RBFOX1: variants seen among roughly 807,000 people sequenced by gnomAD.
RBFOX1 encodes RNA binding protein fox-1 homolog 1.
Under a neutral mutation model 57.7 loss-of-function variants are expected in RBFOX1, and 8 were observed. The observed-to-expected ratio is 0.14, with a 90% CI of 0.08 to 0.25. The LOEUF is 0.25. Ranked by LOEUF, RBFOX1 falls within the 10% of genes least tolerant of loss-of-function variation. The probability of loss-of-function intolerance (pLI) is 1.00; values close to 1 mark genes in which losing one functional copy is unlikely to be tolerated. For missense variants in RBFOX1, 611 were observed against 548.5 expected, an observed-to-expected ratio of 1.11 and a Z score of -1.14; for synonymous variants, 326 against 222.4, an observed-to-expected ratio of 1.47 and a Z score of -4.15.
chr16:7,058,572 T>TTGTG (rs111658690), intron 4 of RBFOX1, among the ~76,000 whole-genome samples: 3,475 of 150,722 alleles, frequency 0.023, 124 homozygotes, highest in African/African-American at 0.08. Flanking sequence ...TTTCATAAGT[T>TTGTG]TGTGTGTGTG....
chr16:6,528,970 A>T (rs182440280), intron 2 of RBFOX1, among the ~76,000 whole-genome samples: 133 of 152,306 alleles, frequency 8.7e-4, no homozygotes, highest in Admixed American at 6.6e-3. Context: ...ATCAATTTCT[A>T]TTTCTCTACA....
At chr16:6,615,197 C>G (rs2098124808) in intron 2 of RBFOX1, among the ~76,000 whole-genome samples, 1 of 152,138 alleles carries the variant, frequency 6.6e-6, no homozygotes, top group African/African-American at 2.4e-5. Flanking sequence ...ATTTTTTACT[C>G]TATAAAGGAA....
At chr16:5,772,668 G>T (rs2054019873) in intron 3 of RBFOX1, among the ~76,000 whole-genome samples, 1 of 152,194 alleles carries the variant, frequency 6.6e-6, no homozygotes, top group Non-Finnish European at 1.5e-5. Flanking sequence ...AGCTAGAGGG[G>T]AGATAAGGAG....
chr16:6,849,200 C>T (rs1219309479), intron 3 of RBFOX1, among the ~76,000 whole-genome samples: 1 of 152,144 alleles, frequency 6.6e-6, no homozygotes, highest in African/African-American at 2.4e-5. Flanking sequence ...AAAAATTATC[C>T]ACCTATCAGA....
At chr16:6,839,911 T>C (rs2141396333) in intron 3 of RBFOX1, among the ~76,000 whole-genome samples, 1 of 152,354 alleles carries the variant, frequency 6.6e-6, no homozygotes, top group South Asian at 2.1e-4. Context: ...TAACTTTCAA[T>C]TGCATTATTA....
At chr16:6,702,097 A>G (rs1218247793) in intron 3 of RBFOX1, among the ~76,000 whole-genome samples, 1 of 152,154 alleles carries the variant, frequency 6.6e-6, no homozygotes. Flanking sequence ...AATCTAAAAT[A>G]AAAGTTTAAA....
In RBFOX1 at chr16:6,954,483, T is replaced by C. The variant is rs879401590; in HGVS notation, c.-15-97574T>C. Among the ~76,000 whole-genome samples the C allele has an allele frequency of 6.6e-4, 101 of 152,206 alleles. 2 individuals carry two copies. The highest frequency in any genetic ancestry group is 1.6e-4 in the Non-Finnish European group (11 of 68,034). ...GAACAAAACTCAGTTTAAAACGTAATTTTGTTGAAACATTTGTTTTAATAA... is the reference window on the plus strand; with the variant it reads ...GAACAAAACTCAGTTTAAAACGTAACTTTGTTGAAACATTTGTTTTAATAA... On this transcript the variant is annotated intron_variant, in intron 3 of 15. Transcript: ENST00000550418.
chr16:6,813,088 A>G (rs548327172), intron 3 of RBFOX1, among the ~76,000 whole-genome samples: 7 of 151,686 alleles, frequency 4.6e-5, no homozygotes, highest in South Asian at 4.2e-4. Flanking sequence ...AACCATGAAT[A>G]TATTTTCACT....
intron 2 of RBFOX1, among the ~76,000 whole-genome samples, chr16:6,555,526 C>T (rs1599709242): frequency 6.6e-6 from 1 of 151,998 alleles, no homozygotes; most frequent in African/African-American, 2.4e-5. Context: ...AGTGAAACCC[C>T]GTCTCTACTA....
At chr16:7,334,469 A>G (rs1401480556) in intron 4 of RBFOX1, among the ~76,000 whole-genome samples, 1 of 151,982 alleles carries the variant, frequency 6.6e-6, no homozygotes, top group Non-Finnish European at 1.5e-5. Flanking sequence ...GCTTTGTCAG[A>G]CCCTCTGCCG....
At chr16:7,490,067 T>A (rs1455013384) in intron 4 of RBFOX1, among the ~76,000 whole-genome samples, 1 of 152,184 alleles carries the variant, frequency 6.6e-6, no homozygotes, top group African/African-American at 2.4e-5. Context: ...CCCCTTTAAA[T>A]CTGTGTCCCA....
chr16:5,606,928 A>C (rs1567290212), intron 3 of RBFOX1, among the ~76,000 whole-genome samples: 2 of 152,184 alleles, frequency 1.3e-5, no homozygotes, highest in Non-Finnish European at 2.9e-5. Flanking sequence ...CCAGTGCTCC[A>C]TAGTAGTTAA....
intron 3 of RBFOX1, among the ~76,000 whole-genome samples, chr16:5,707,758 T>C (rs1013800531): frequency 9.2e-5 from 14 of 152,178 alleles, no homozygotes; most frequent in African/African-American, 3.4e-4. Flanking sequence ...TCCTTGGGGA[T>C]TAGGAAAACC....
intron 3 of RBFOX1, among the ~76,000 whole-genome samples, chr16:6,924,920 G>C (rs1278163247): frequency 2.8e-5 from 4 of 142,604 alleles, no homozygotes; most frequent in African/African-American, 5.2e-5. Context: ...TCCTACCTAT[G>C]AGTGAGAACA....
chr16:5,318,189 C>G (rs2064295282), intron 1 of RBFOX1, among the ~76,000 whole-genome samples: 1 of 152,130 alleles, frequency 6.6e-6, no homozygotes, highest in African/African-American at 2.4e-5. Flanking sequence ...AGTGCAGTGA[C>G]ACGATCTCGG....
intron 2 of RBFOX1, among the ~76,000 whole-genome samples, chr16:6,597,605 G>A (rs899003858): frequency 6.6e-6 from 1 of 152,072 alleles, no homozygotes; most frequent in Non-Finnish European, 1.5e-5. Flanking sequence ...CCCGGGAGGT[G>A]GAAGATTGCA....
At chr16:7,165,226 A>G (rs1357128330) in intron 4 of RBFOX1, among the ~76,000 whole-genome samples, 3 of 151,998 alleles carry the variant, frequency 2.0e-5, no homozygotes, top group Admixed American at 6.6e-5. Context: ...CAGGTGTGAC[A>G]TGCAGTCGTG....
chr16:5,847,824 G>A (rs959346949), intron 3 of RBFOX1, among the ~76,000 whole-genome samples: 1 of 152,064 alleles, frequency 6.6e-6, no homozygotes, highest in African/African-American at 2.4e-5. Context: ...ACTGTAGGGT[G>A]TTTCGCCCCA....
intron 4 of RBFOX1, among the ~76,000 whole-genome samples, chr16:7,299,783 T>C (rs1241117811): frequency 1.3e-5 from 2 of 152,212 alleles, no homozygotes; most frequent in Non-Finnish European, 2.9e-5. Flanking sequence ...CTATCCCTAG[T>C]AGATTGACCC....
Sources: gnomAD v4.1 joint callset for allele counts (sites outside exome capture counted in the v4.1 genomes callset) on GRCh38, gnomAD v4.1.1 for gene constraint, MANE v1.5 for transcripts, NCBI Gene and HGNC (gene_info 2026-07-23, HGNC 2026-07-21) for gene names.